The following CYP1A2 variants were observed in gnomAD, a reference collection of about 807,000 sequenced individuals.
The protein encoded by CYP1A2 is cytochrome P450 family 1 subfamily A member 2.
In CYP1A2, 35 loss-of-function variants were observed where a neutral mutation model predicts 34.7. The ratio of observed to expected loss-of-function variants is 1.01; its 90% CI spans 0.77 to 1.34. The LOEUF is 1.34. CYP1A2 is among the 40% of genes most tolerant of loss of function. The pLI is 0.00. For synonymous variants in CYP1A2, 288 were observed against 281.9 expected (o/e 1.02, Z -0.22); for missense variants, 675 against 675.8 (o/e 1.00, Z 0.01).
rs143028942 is a variant in CYP1A2, at chr15:74,754,984, G to A, written c.1447G>A (p.Val483Met). Reference sequence around the variant, plus strand: ...CCTGCTACAGCAACTGGAGTTCAGCGTGCCGCCGGGCGTGAAAGTCGACCT... The same window carrying A: ...CCTGCTACAGCAACTGGAGTTCAGCATGCCGCCGGGCGTGAAAGTCGACCT... ...AILLQQLEFS[V>M]PPGVKVDLTP... Residue 483 changes from valine to methionine, a missense_variant, in exon 7 of 7, where the codon GTG becomes ATG. By Grantham distance (21) the Val-to-Met change is conservative. Transcript: ENST00000343932. 2.4e-5 allele frequency: 38 copies of A among 1,614,106 alleles called. No individual in the cohort carries two copies. The highest frequency in any genetic ancestry group is 1.1e-4 in the African/African-American group (8 of 74,940).
Position 74,755,077 on chromosome 15 carries a change from T to C in CYP1A2, c.1540T>C (p.Ser514Pro), listed in dbSNP as rs767206057. 1 of 1,606,698 alleles carries C rather than the reference T, an allele frequency of 6.2e-7. No individual in the cohort carries two copies. Among genetic ancestry groups the C allele is most frequent in the Admixed American group, 1.7e-5 (1 of 59,984 alleles). Residue 514 changes from serine (S) to proline (P), a missense_variant, in exon 7 of 7, where the codon TCC becomes CCC. Ser to Pro is a moderately conservative substitution (Grantham distance 74, BLOSUM62 -1). Transcript: ENST00000343932. ...ACATGTCCAGGCGCGGCTGCGCTTC[T>C]CCATCAATTGAAGAAGACACCACCA... ...CEHVQARLRF[S>P]IN
At position 74,749,855 on chromosome 15, in the gene CYP1A2, G is replaced by A. The variant is rs767672496; in HGVS notation, c.117G>A (p.Leu39=). The change falls in exon 2 of 7, where the codon CTG becomes CTA. Residue 39 remains leucine, a synonymous_variant. Transcript: ENST00000343932. ...KGLRPRVPKG[L]KSPPEPWGWP... is the part of the protein sequence containing the mutation. Reference sequence around the variant, plus strand: ...TGAGGCCTCGGGTCCCCAAAGGCCTGAAAAGTCCACCAGAGCCATGGGGCT... The same window carrying A: ...TGAGGCCTCGGGTCCCCAAAGGCCTAAAAAGTCCACCAGAGCCATGGGGCT... The A allele has an allele frequency of 6.2e-7, 1 of 1,607,434 alleles. No homozygotes were observed. Among genetic ancestry groups the A allele is most frequent in the Non-Finnish European group, 8.5e-7 (1 of 1,174,962 alleles).
In CYP1A2 at chr15:74,755,299, T is replaced by C; in HGVS notation, c.*211T>C. 1 of 419,240 alleles carries C rather than the reference T, an allele frequency of 2.4e-6. No individual in the cohort carries two copies. Among genetic ancestry groups the C allele is most frequent in the Non-Finnish European group, 3.9e-6 (1 of 258,144 alleles). 26.0% of individuals were successfully genotyped at this position (419,240 alleles called of 1,614,324 possible). ...GGCCAACATAGTGGGACCCTGTCTC[T>C]ACAAAAAAAAAATTTGCCAAGAGCC... On this transcript the variant is annotated 3_prime_UTR_variant, in exon 7 of 7. Coordinates refer to ENST00000343932, the MANE Select transcript of CYP1A2 (RefSeq NM_000761.5).
Position 74,748,897 on chromosome 15 carries a change from G to C in CYP1A2, c.-10G>C, listed in dbSNP as rs2063300999. The stretch of plus-strand genomic sequence containing the variant: ...CCAATCTCAAGCACCTGCCTCTACA[G>C]GTACCTTTCTTGGGACCAATTTACA... On this transcript the variant is annotated splice_region_variant and 5_prime_UTR_variant, in exon 1 of 7. Coordinates refer to ENST00000343932, the MANE Select transcript of CYP1A2 (RefSeq NM_000761.5). 1 of 152,198 alleles carries C rather than the reference G, an allele frequency of 6.6e-6. No homozygotes were observed. Among genetic ancestry groups the C allele is most frequent in the Admixed American group, 6.5e-5 (1 of 15,272 alleles). 9.4% of individuals were successfully genotyped at this position (152,198 alleles called of 1,614,324 possible).
At chr15:74,753,496 C>T (rs558547557) in intron 6 of CYP1A2, among the ~76,000 whole-genome samples, 1 of 152,118 alleles carries the variant, frequency 6.6e-6, no homozygotes, top group South Asian at 2.1e-4. Context: ...TTTGGGAGGC[C>T]GAGGCAGGCA....
intron 1 of CYP1A2, 99 bp downstream of exon 1, chr15:74,748,996 G>A (rs1369357735): frequency 6.6e-6 from 1 of 152,294 alleles, no homozygotes; most frequent in Non-Finnish European, 1.5e-5. Context: ...GCTAGGTGTA[G>A]GGGTCCTGAG....
At chr15:74,752,059 G>C (rs3743484) in intron 4 of CYP1A2, 65 bp from the exon 5 acceptor site, 69,346 of 1,603,436 alleles carry the variant, frequency 0.043, 3,192 homozygotes, top group South Asian at 0.19. Context: ...TGGGGTATAA[G>C]AGGGGATAAT....
At position 74,756,136 on chromosome 15, in the gene CYP1A2, G is replaced by C. The variant is rs1031877647; in HGVS notation, c.*1048G>C. The stretch of plus-strand genomic sequence containing the variant: ...CAGCCTTTTTGTTTTTTTTTTTTTT[G>C]AGACAGAGTCTTCCTCTGTCTCCTA... On this transcript the variant is annotated 3_prime_UTR_variant, in exon 7 of 7. Transcript: ENST00000343932. 1.1e-5 allele frequency: 1 copy of C among 89,094 alleles called. No homozygotes were observed. Among genetic ancestry groups the C allele is most frequent in the Non-Finnish European group, 2.2e-5 (1 of 44,894 alleles). 5.5% of individuals were successfully genotyped at this position (89,094 alleles called of 1,614,324 possible). A position where few individuals can be genotyped will look rare whatever the true frequency, so the allele number is the denominator to read the frequency against.
rs563071848 is a variant in CYP1A2, at chr15:74,755,252, C to A, written c.*164C>A. The A allele has an allele frequency of 4.8e-6, 4 of 827,756 alleles. No individual in the cohort carries two copies. In the Admixed American group the frequency reaches 9.0e-5, roughly 19 times the overall value. The allele number at this position is 827,756 out of a possible 1,614,324, so 51.3% of individuals were successfully genotyped here. ...GGCCAAGGTTGGAGGATCATTTGAG[C>A]CCAGGAATTGGAAAGCAGCCTGGCC... On this transcript the variant is annotated 3_prime_UTR_variant, in exon 7 of 7. Coordinates refer to ENST00000343932, the MANE Select transcript of CYP1A2 (RefSeq NM_000761.5).
chr15:74,753,279 A>G lies in CYP1A2; in HGVS notation c.1253+9A>G. The G allele has an allele frequency of 6.2e-7, 1 of 1,611,030 alleles. No homozygotes were observed. The highest frequency in any genetic ancestry group is 1.3e-5 in the African/African-American group (1 of 74,978). On this transcript the variant is annotated intron_variant, in intron 6 of 6. Coordinates refer to ENST00000343932, the MANE Select transcript of CYP1A2 (RefSeq NM_000761.5). ...CAGGTCAACCATGACCCGTGAGTAC[A>G]TACCCCTCACGAAAAAATGTGTGCA... is the stretch of plus-strand genomic sequence containing the variant.
In CYP1A2 at chr15:74,750,254, G is replaced by C. The variant is rs1237180124; in HGVS notation, c.516G>C (p.Leu172=). ...EEHVSKEAKA[L]ISRLQELMAG... is the part of the protein sequence containing the mutation. Reference sequence around the variant, plus strand: ...ATGTGAGCAAGGAGGCTAAGGCCCTGATCAGCAGGTTGCAGGAGCTGATGG... The same window carrying C: ...ATGTGAGCAAGGAGGCTAAGGCCCTCATCAGCAGGTTGCAGGAGCTGATGG... Residue 172 remains leucine (L), a synonymous_variant, in exon 2 of 7, where the codon CTG becomes CTC. Transcript: ENST00000343932. 4.3e-6 allele frequency: 7 copies of C among 1,614,222 alleles called. No homozygotes were observed. Among genetic ancestry groups the C allele is most frequent in the Non-Finnish European group, 5.1e-6 (6 of 1,180,040 alleles).
rs751143438 is a variant in CYP1A2, at chr15:74,754,939, A to C, written c.1402A>C (p.Ile468Leu). Residue 468 changes from isoleucine (I) to leucine (L), a missense_variant, in exon 7 of 7, where the codon ATC becomes CTC. Coordinates refer to ENST00000343932, the MANE Select transcript of CYP1A2 (RefSeq NM_000761.5). Reference sequence around the variant, plus strand: ...CGGGGAAGTCCTGGCCAAGTGGGAGATCTTCCTCTTCCTGGCCATCCTGCT... The same window carrying C: ...CGGGGAAGTCCTGGCCAAGTGGGAGCTCTTCCTCTTCCTGGCCATCCTGCT... Reference protein sequence around the residue: ...CIGEVLAKWEIFLFLAILLQQ... With the variant: ...CIGEVLAKWELFLFLAILLQQ... 1.8e-5 allele frequency: 29 copies of C among 1,614,150 alleles called. No individual in the cohort carries two copies. The highest frequency in any genetic ancestry group is 2.4e-5 in the Non-Finnish European group (28 of 1,180,030).
intron 4 of CYP1A2, 37 bp downstream of exon 4, chr15:74,751,891 C>A (rs746283059): frequency 2.0e-5 from 32 of 1,601,812 alleles, no homozygotes; most frequent in Non-Finnish European, 8.5e-6. Context: ...CCAGGAGAAG[C>A]CTTGAGACCC....
intron 5 of CYP1A2, 99 bp downstream of exon 5, chr15:74,752,346 G>C (rs911630114): frequency 1.3e-6 from 2 of 1,522,960 alleles, no homozygotes; most frequent in Non-Finnish European, 1.8e-6. Context: ...TCTCCTTCCC[G>C]ACCTCGTTCC....
chr15:74,754,887 GT>G lies in CYP1A2; in HGVS notation c.1353del (p.Phe451LeufsTer37). The G allele has an allele frequency of 1.2e-6, 2 of 1,614,256 alleles. No homozygotes were observed. The highest frequency in any genetic ancestry group is 4.5e-5 in the East Asian group (2 of 44,884). On this transcript the variant is annotated frameshift_variant, in exon 7 of 7. Transcript: ENST00000343932. LOFTEE classifies it low-confidence loss of function (END_TRUNC). The part of the protein sequence containing the change: ...NKPLSEKMML[F>X]GMGKRRCIGE... ...AGCCCTTGAGTGAGAAGATGATGCT[GT>G]TTGGCATGGGCAAGCGCCGGTGTAT... is the stretch of plus-strand genomic sequence containing the variant.
chr15:74,753,290 G>GA lies in CYP1A2; in HGVS notation c.1253+26dup, dbSNP rs758805995. 3.1e-6 allele frequency: 5 copies of GA among 1,596,886 alleles called. No homozygotes were observed. In the South Asian group the frequency reaches 5.5e-5, roughly 18 times the overall value. On this transcript the variant is annotated intron_variant, in intron 6 of 6. Coordinates refer to ENST00000343932, the MANE Select transcript of CYP1A2 (RefSeq NM_000761.5). ...TGACCCGTGAGTACATACCCCTCAC[G>GA]AAAAAATGTGTGCAGGTTCAGCAGT...
In CYP1A2 at chr15:74,756,307, G is replaced by C. The variant is rs1042266781; in HGVS notation, c.*1219G>C. The C allele has an allele frequency of 6.6e-6, 1 of 151,944 alleles. No individual in the cohort carries two copies. The highest frequency in any genetic ancestry group is 2.1e-4 in the South Asian group (1 of 4,812). The allele number at this position is 151,944 out of a possible 1,614,324, so 9.4% of individuals were successfully genotyped here. A position where few individuals can be genotyped will look rare whatever the true frequency, so the allele number is the denominator to read the frequency against. On this transcript the variant is annotated 3_prime_UTR_variant, in exon 7 of 7. Coordinates refer to ENST00000343932, the MANE Select transcript of CYP1A2 (RefSeq NM_000761.5). ...TAATTTTTGTATTTTTAGTAGAGAC[G>C]GGTTTCACCATGTTGGCTAGACTAG...
rs56107638 is a variant in CYP1A2, at chr15:74,753,271, G to A, written c.1253+1G>A. On this transcript the variant is annotated splice_donor_variant, in intron 6 of 6. Transcript: ENST00000343932. LOFTEE classifies it high-confidence loss of function. ...ACCAGTGGCAGGTCAACCATGACCC[G>A]TGAGTACATACCCCTCACGAAAAAA... The A allele has an allele frequency of 1.4e-4, 226 of 1,612,966 alleles. No individual in the cohort carries two copies. Among genetic ancestry groups the A allele is most frequent in the East Asian group, 5.3e-4 (24 of 44,866 alleles).
At chr15:74,751,047 C>T (rs1163154429) in intron 2 of CYP1A2, 142 bp from the exon 3 acceptor site, 21 of 1,133,700 alleles carry the variant, frequency 1.9e-5, no homozygotes, top group Middle Eastern at 6.0e-4. Context: ...GCTCCTGCTG[C>T]AAGCTGCAAC....
Sources: allele counts gnomAD v4.1 joint callset (sites outside exome capture counted in the v4.1 genomes callset), GRCh38; gene constraint gnomAD v4.1.1; transcripts MANE v1.5; gene names NCBI Gene and HGNC (gene_info 2026-07-23, HGNC 2026-07-21).